Variants in FAAH2 observed in about 807,000 individuals in gnomAD.
The protein encoded by FAAH2 is fatty-acid amide hydrolase 2.
Under a neutral mutation model 36.9 loss-of-function variants are expected in FAAH2, and 60 were observed. That is an observed-to-expected ratio of 1.63 (90% CI 1.32 to 2.02). The LOEUF (loss-of-function observed/expected upper bound fraction) is 2.02, where lower values mean the gene tolerates loss of function less well. FAAH2 is among the 30% of genes most tolerant of loss of function. FAAH2 has a pLI of 0.00. For synonymous variants in FAAH2, 214 were observed against 143.8 expected (o/e 1.49, Z -3.49); for missense variants, 689 against 397.5 (o/e 1.73, Z -6.23).
chrX:57,238,099 A>G, the FAAH2 span, among the ~76,000 whole-genome samples: 2 of 111,664 alleles, frequency 1.8e-5, no homozygotes, highest in African/African-American at 6.5e-5. Context: ...TGATTGCTCA[A>G]AGACCTAAAA....
intron 7 of FAAH2, among the ~76,000 whole-genome samples, chrX:57,428,425 C>G (rs1049511669): frequency 9.0e-6 from 1 of 111,629 alleles, no homozygotes; most frequent in Non-Finnish European, 1.9e-5. Flanking sequence ...AAAGAGCTTG[C>G]ATAGCCAAAA....
the FAAH2 span, among the ~76,000 whole-genome samples, chrX:57,236,502 G>A: frequency 8.9e-6 from 1 of 111,981 alleles, no homozygotes; most frequent in South Asian, 3.7e-4. Context: ...GACAGCATTT[G>A]ATATTTTACT....
At chrX:57,432,248 G>T (rs1027996358) in intron 8 of FAAH2, among the ~76,000 whole-genome samples, 1 of 111,469 alleles carries the variant, frequency 9.0e-6, no homozygotes, top group African/African-American at 3.3e-5. Flanking sequence ...TTCCTATATG[G>T]AAATCAGTGA....
At chrX:57,179,066 A>G in the FAAH2 span, among the ~76,000 whole-genome samples, 1 of 111,794 alleles carries the variant, frequency 8.9e-6, no homozygotes, top group Non-Finnish European at 1.9e-5. Flanking sequence ...CAGGCAAGCC[A>G]GTACTGAGGG....
intron 1 of FAAH2, among the ~76,000 whole-genome samples, chrX:57,288,198 G>A (rs775946622): frequency 2.8e-4 from 31 of 110,548 alleles, no homozygotes; most frequent in Non-Finnish European, 4.3e-4. Context: ...CACACCAATA[G>A]CAGATAATAC....
At chrX:57,449,769 C>T (rs1011973591) in intron 10 of FAAH2, among the ~76,000 whole-genome samples, 1 of 110,838 alleles carries the variant, frequency 9.0e-6, no homozygotes, top group African/African-American at 3.3e-5. Context: ...TAGGTTCAAG[C>T]GATTCTCCTA....
chrX:57,217,017 C>T, the FAAH2 span, among the ~76,000 whole-genome samples: 1 of 110,978 alleles, frequency 9.0e-6, no homozygotes, highest in African/African-American at 3.3e-5. Context: ...TTGCATTTCC[C>T]TGATCATTAG....
At chrX:57,130,205 A>G in the FAAH2 span, among the ~76,000 whole-genome samples, 1 of 112,178 alleles carries the variant, frequency 8.9e-6, no homozygotes, top group African/African-American at 3.2e-5. Context: ...ATTGTTTTGT[A>G]TATCATCTGC....
chrX:57,219,117 G>T, the FAAH2 span, among the ~76,000 whole-genome samples: 1 of 111,614 alleles, frequency 9.0e-6, no homozygotes, highest in African/African-American at 3.3e-5. Flanking sequence ...GAGGCCATAT[G>T]GGTAAAACAT....
At chrX:57,253,459 CAT>C in the FAAH2 span, among the ~76,000 whole-genome samples, 25 of 111,362 alleles carry the variant, frequency 2.2e-4, no homozygotes, top group African/African-American at 7.2e-4. Flanking sequence ...CCCCAAGACA[CAT>C]AATTGTCAAA....
At chrX:57,393,705 C>A in intron 7 of FAAH2, 4 of 1,018,492 alleles carry the variant, frequency 3.9e-6, no homozygotes, top group Non-Finnish European at 5.6e-6. Context: ...TCTCTCCTGT[C>A]TTCTAGAGAA....
chrX:57,445,166 T>C (rs1325722373), intron 8 of FAAH2, among the ~76,000 whole-genome samples: 5 of 111,914 alleles, frequency 4.5e-5, no homozygotes, highest in African/African-American at 1.6e-4. Flanking sequence ...TTGAGTGTTG[T>C]CCTGTAAGTG....
chrX:57,348,189 C>A (rs2053882913), intron 5 of FAAH2, among the ~76,000 whole-genome samples: 1 of 110,226 alleles, frequency 9.1e-6, no homozygotes, highest in Admixed American at 9.8e-5. Context: ...ATTGCACAAC[C>A]CCATCCACCA....
At chrX:57,351,163 C>G (rs1475940687) in intron 5 of FAAH2, among the ~76,000 whole-genome samples, 1 of 111,050 alleles carries the variant, frequency 9.0e-6, no homozygotes, top group Non-Finnish European at 1.9e-5. Flanking sequence ...CAGTGGAACA[C>G]TACTAGAAAT....
chrX:57,232,732 T>C, the FAAH2 span, among the ~76,000 whole-genome samples: 1 of 112,383 alleles, frequency 8.9e-6, no homozygotes, highest in African/African-American at 3.2e-5. Flanking sequence ...TCTTGTTTTC[T>C]TCTAACTCTT....
intron 3 of FAAH2, among the ~76,000 whole-genome samples, chrX:57,322,968 T>C (rs1220892332): frequency 9.0e-6 from 1 of 110,908 alleles, no homozygotes; most frequent in African/African-American, 3.3e-5. Context: ...TATCCCCTAA[T>C]GCTATCCTTC....
rs763495260 is a variant in FAAH2, at chrX:57,456,542, G to A, written c.1423+7824G>A. Among the ~76,000 whole-genome samples, 4 of 111,905 alleles carry A rather than the reference G, an allele frequency of 3.6e-5. No individual in the cohort carries two copies. In the South Asian group the frequency reaches 1.5e-3, roughly 41 times the overall value. ...AATAAACAAGATTGATATACCATTA[G>A]CTAAACTAACAAGGAATAATAAAAA... On this transcript the variant is annotated intron_variant, in intron 10 of 10. Coordinates refer to ENST00000374900, the MANE Select transcript of FAAH2 (RefSeq NM_174912.4).
At chrX:57,428,833 C>T (rs1360370541) in intron 7 of FAAH2, among the ~76,000 whole-genome samples, 1 of 111,941 alleles carries the variant, frequency 8.9e-6, no homozygotes, top group Non-Finnish European at 1.9e-5. Flanking sequence ...TTGGCAAAGA[C>T]ATCATGACAA....
chrX:57,275,685 G>A, the FAAH2 span, among the ~76,000 whole-genome samples: 4 of 111,576 alleles, frequency 3.6e-5, no homozygotes, highest in Admixed American at 3.8e-4. Context: ...ACCATCTCAC[G>A]TGCAGGGACA....
Sources: allele counts gnomAD v4.1 joint callset (sites outside exome capture counted in the v4.1 genomes callset), GRCh38; gene constraint gnomAD v4.1.1; transcripts MANE v1.5; gene names NCBI Gene and HGNC (gene_info 2026-07-23, HGNC 2026-07-21).